Variants in LRP3 observed in about 807,000 individuals in gnomAD.
LRP3 encodes the protein low-density lipoprotein receptor-related protein 3.
In LRP3, 49 loss-of-function variants were observed where a neutral mutation model predicts 58.5. That is an observed-to-expected ratio of 0.84 (90% CI 0.67 to 1.06). The LOEUF (loss-of-function observed/expected upper bound fraction) is 1.06. Ranked by LOEUF, LRP3 falls within the 50% of genes least tolerant of loss-of-function variation. The pLI, the probability that LRP3 is intolerant of heterozygous loss-of-function variation, is 0.00. For synonymous variants in LRP3, 485 were observed against 492.2 expected, an observed-to-expected ratio of 0.99 and a Z score of 0.20; for missense variants, 1,019 against 1,134.2, an observed-to-expected ratio of 0.90 and a Z score of 1.46.
rs190539510 is a variant in LRP3 at position 33,194,965 on chromosome 19, C to G, written c.73+107C>G. On this transcript the variant is annotated intron_variant, in intron 1 of 6. Transcript: ENST00000253193. ...CCGCGGCATCCCGAGCCCCCCACCG[C>G]GGTGGCTCCCGCGCGGAGACCCAGA... 3.9e-3 allele frequency: 1,748 copies of G among 447,912 alleles called. 37 individuals are homozygous for G. The highest frequency in any genetic ancestry group is 0.034 in the African/African-American group (1,618 of 47,278). 27.7% of individuals were successfully genotyped at this position (447,912 alleles called of 1,614,324 possible).
At chr19:33,199,144 C>T (rs953150265) in intron 2 of LRP3, among the ~76,000 whole-genome samples, 6 of 152,262 alleles carry the variant, frequency 3.9e-5, no homozygotes, top group Non-Finnish European at 7.4e-5. Context: ...CTCCCTCTTC[C>T]CCATTATCCC....
At chr19:33,197,653 A>G (rs2145448293) in intron 2 of LRP3, among the ~76,000 whole-genome samples, 1 of 152,202 alleles carries the variant, frequency 6.6e-6, no homozygotes, top group South Asian at 2.1e-4. Context: ...ACCTGAGGTC[A>G]AGGTGCAGCC....
Position 33,206,141 on chromosome 19 carries a change from C to T in LRP3, c.1371C>T (p.Pro457=), listed in dbSNP as rs368391236. 1.7e-4 allele frequency: 276 copies of T among 1,608,166 alleles called. 3 individuals are homozygous for T. In the Middle Eastern group the frequency reaches 5.8e-3, roughly 34 times the overall value. Residue 457 remains proline, a synonymous_variant, in exon 5 of 7, where the codon CCC becomes CCT. Transcript: ENST00000253193. ...AGAAGAACTGCTTCTCCTGCCAGCC[C>T]GGCACCTTCCACTGCGGTACCAACC... The part of the protein sequence containing the change: ...ADEKNCFSCQ[P]GTFHCGTNLC...
intron 6 of LRP3, 117 bp from the exon 7 acceptor site, chr19:33,206,871 G>A (rs1974420587): frequency 4.2e-6 from 5 of 1,204,080 alleles, no homozygotes; most frequent in Non-Finnish European, 5.6e-6. Flanking sequence ...TGGGGGGGGT[G>A]GACAAGGTGG....
rs761358004 is a variant in LRP3, at chr19:33,205,510, C to T, written c.740C>T (p.Ala247Val). Residue 247 changes from alanine (A) to valine (V), a missense_variant, in exon 5 of 7, where the codon GCG becomes GTG. Coordinates refer to ENST00000253193, the MANE Select transcript of LRP3 (RefSeq NM_002333.4). Reference sequence around the variant, plus strand: ...GACTGCGGCGACGGCTCGGATGAGGCGGGCTGCCCCGACCTGGCGTGCGGC... The same window carrying T: ...GACTGCGGCGACGGCTCGGATGAGGTGGGCTGCCCCGACCTGGCGTGCGGC... ...LQDCGDGSDE[A>V]GCPDLACGRR... is the part of the protein sequence containing the mutation. 46 of 1,545,350 alleles carry T rather than the reference C, an allele frequency of 3.0e-5. No individual in the cohort carries two copies. Among genetic ancestry groups the T allele is most frequent in the South Asian group, 2.3e-4 (19 of 81,134 alleles).
chr19:33,196,450 TG>T (rs1974286719), intron 1 of LRP3, among the ~76,000 whole-genome samples: 1 of 152,214 alleles, frequency 6.6e-6, no homozygotes, highest in Admixed American at 6.5e-5. Flanking sequence ...TCCAGCTACT[TG>T]GGAGGCTCAG....
In LRP3 at chr19:33,205,557, GGCTCCTTT is replaced by G; in HGVS notation, c.790_797del (p.Ser264LeufsTer39). 4 of 1,601,528 alleles carry G rather than the reference GGCTCCTTT, an allele frequency of 2.5e-6. No homozygotes were observed. The highest frequency in any genetic ancestry group is 1.7e-6 in the Non-Finnish European group (2 of 1,175,420). On this transcript the variant is annotated frameshift_variant, in exon 5 of 7. Transcript: ENST00000253193. LOFTEE classifies it high-confidence loss of function. ...CGGCCGGCGGCTGGGCAGCTTCTAC[GGCTCCTTT>G]GCCTCCCCAGACCTGTTCGGCGCCG...
In LRP3 at chr19:33,206,192, T is replaced by C; in HGVS notation, c.1422T>C (p.Cys474=). ...TNLCIFETWR[C]DGQEDCQDGS... ...TGTGCATCTTCGAGACGTGGCGCTG[T>C]GACGGCCAGGAAGACTGCCAGGACG... The change falls in exon 5 of 7, where the codon TGT becomes TGC. Residue 474 remains cysteine (C), a synonymous_variant. Coordinates refer to ENST00000253193, the MANE Select transcript of LRP3 (RefSeq NM_002333.4). 1 of 1,595,030 alleles carries C rather than the reference T, an allele frequency of 6.3e-7. No individual in the cohort carries two copies. Among genetic ancestry groups the C allele is most frequent in the Middle Eastern group, 1.7e-4 (1 of 6,026 alleles).
Position 33,206,645 on chromosome 19 carries a change from G to C in LRP3, c.1637G>C (p.Arg546Pro). The change falls in exon 6 of 7, where the codon CGG (arginine) becomes CCG (proline). Residue 546 changes from arginine (R) to proline (P), a missense_variant. Around this residue, in one of 2 missense-constraint regions of LRP3, gnomAD observed 427 missense variants for 408.6 expected, o/e 1.04. Transcript: ENST00000253193. ...ACGCGCCTGGAGGCTGAGTTCGTGC[G>C]GCGGGAGGCACCCCCATCCTATGGT... ...QMTRLEAEFV[R>P]REAPPSYGQL... 1 of 1,599,916 alleles carries C rather than the reference G, an allele frequency of 6.3e-7. No homozygotes were observed. Among genetic ancestry groups the C allele is most frequent in the Non-Finnish European group, 8.5e-7 (1 of 1,173,084 alleles).
At chr19:33,206,451 T>C in intron 5 of LRP3, 89 bp downstream of exon 5, 2 of 1,594,402 alleles carry the variant, frequency 1.3e-6, no homozygotes, top group Non-Finnish European at 1.7e-6. Flanking sequence ...AACGGGGGCC[T>C]GGACTAGCTA....
intron 1 of LRP3, among the ~76,000 whole-genome samples, chr19:33,195,787 A>G (rs1407275731): frequency 2.6e-5 from 4 of 152,082 alleles, no homozygotes; most frequent in South Asian, 2.1e-4. Flanking sequence ...GCCCACCCCA[A>G]CCTCAGTGCG....
At chr19:33,199,790 G>A (rs1107920) in intron 2 of LRP3, among the ~76,000 whole-genome samples, 26,169 of 152,220 alleles carry the variant, frequency 0.17, 2,782 homozygotes, top group South Asian at 0.36. Context: ...CCTGATGAAG[G>A]GGTCAGACAT....
chr19:33,196,639 C>T, intron 1 of LRP3, 91 bp from the exon 2 acceptor site: 1 of 1,203,136 alleles, frequency 8.3e-7, no homozygotes, highest in Non-Finnish European at 1.2e-6. Flanking sequence ...AGCGGGCCAG[C>T]CTTGGGTTTA....
chr19:33,196,339 G>T (rs1974285083), intron 1 of LRP3, among the ~76,000 whole-genome samples: 2 of 152,268 alleles, frequency 1.3e-5, no homozygotes, highest in Admixed American at 1.3e-4. Flanking sequence ...AATTGCTGGA[G>T]GCCAGGAGTT....
In LRP3 at chr19:33,206,187, C is replaced by T. The variant is rs767297948; in HGVS notation, c.1417C>T (p.Arg473Cys). 55 of 1,594,310 alleles carry T rather than the reference C, an allele frequency of 3.4e-5. No individual in the cohort carries two copies. The highest frequency in any genetic ancestry group is 2.6e-5 in the Non-Finnish European group (30 of 1,170,084). The stretch of plus-strand genomic sequence containing the variant: ...CAACCTGTGCATCTTCGAGACGTGG[C>T]GCTGTGACGGCCAGGAAGACTGCCA... ...GTNLCIFETW[R>C]CDGQEDCQDG... is the part of the protein sequence containing the mutation. The change falls in exon 5 of 7, where the codon CGC becomes TGC. Residue 473 changes from arginine (R) to cysteine (C), a missense_variant. Physicochemically the swap from Arg to Cys is radical, Grantham distance 180 (BLOSUM62 -3). Around this residue, in one of 2 missense-constraint regions of LRP3, gnomAD observed 592 missense variants for 725.5 expected, o/e 0.82. Coordinates refer to ENST00000253193, the MANE Select transcript of LRP3 (RefSeq NM_002333.4).
At chr19:33,202,674 G>A (rs888022551) in intron 2 of LRP3, among the ~76,000 whole-genome samples, 174 bp from the exon 3 acceptor site, 5 of 152,148 alleles carry the variant, frequency 3.3e-5, no homozygotes, top group South Asian at 2.1e-4. Flanking sequence ...TTGGCCTCCC[G>A]TACACACCAC....
At position 33,207,033 on chromosome 19, in the gene LRP3, C is replaced by A; in HGVS notation, c.1771C>A (p.Arg591Ser). ...NLRTAMRRQM[R>S]RHASRRGPSR... ...TCGCACAGCCATGCGGAGACAGATG[C>A]GTCGGCACGCCTCCCGCCGGGGGCC... is the stretch of plus-strand genomic sequence containing the variant. Residue 591 changes from arginine to serine, a missense_variant, in exon 7 of 7, where the codon CGT becomes AGT. Transcript: ENST00000253193. 6.7e-7 allele frequency: 1 copy of A among 1,484,746 alleles called. No homozygotes were observed. The allele number at this position is 1,484,746 out of a possible 1,614,324, so 92.0% of individuals were successfully genotyped here. A position where few individuals can be genotyped will look rare whatever the true frequency, so the allele number is the denominator to read the frequency against.
At chr19:33,202,715 C>G in intron 2 of LRP3, 133 bp from the exon 3 acceptor site, 1 of 1,053,146 alleles carries the variant, frequency 9.5e-7, no homozygotes, top group Non-Finnish European at 1.3e-6. Context: ...TGGCCTTGCC[C>G]TTGGCCATGG....
Position 33,207,544 on chromosome 19 carries a change from C to T in LRP3, c.2282C>T (p.Ala761Val). 1 of 1,605,226 alleles carries T rather than the reference C, an allele frequency of 6.2e-7. No homozygotes were observed. ...CCCCCCTGCTCCCCAATGCTGGAGG[C>T]CAGCGATGATGAGGCCCTGTTGGTC... ...PPPPCSPMLE[A>V]SDDEALLVC Residue 761 changes from alanine (A) to valine (V), a missense_variant, in exon 7 of 7, where the codon GCC (alanine) becomes GTC (valine). Ala to Val is a moderately conservative substitution (Grantham distance 64, BLOSUM62 0). Transcript: ENST00000253193.
Sources: gnomAD v4.1 joint callset for allele counts (sites outside exome capture counted in the v4.1 genomes callset) on GRCh38, gnomAD v4.1.1 for gene constraint, gnomAD v4.1.1 regional missense constraint, MANE v1.5 for transcripts, NCBI Gene and HGNC (gene_info 2026-07-23, HGNC 2026-07-21) for gene names.